The following APLF variants were observed in gnomAD, a reference collection of about 807,000 sequenced individuals.
The protein encoded by APLF is aprataxin and PNK-like factor.
Under a neutral mutation model 55.6 loss-of-function variants are expected in APLF, and 61 were observed. The ratio of observed to expected loss-of-function variants is 1.10; its 90% CI spans 0.89 to 1.36. The LOEUF (loss-of-function observed/expected upper bound fraction) is 1.36. APLF is among the 40% of genes most tolerant of loss of function. APLF has a pLI of 0.00. For missense variants in APLF, 611 were observed against 602.5 expected (o/e 1.01, Z -0.15); for synonymous variants, 207 against 214.8 (o/e 0.96, Z 0.32).
At chr2:68,568,554 A>C (rs1159107279) in intron 9 of APLF, among the ~76,000 whole-genome samples, 1 of 152,160 alleles carries the variant, frequency 6.6e-6, no homozygotes, top group African/African-American at 2.4e-5. Flanking sequence ...AGTTTAATAA[A>C]GTCTTCCTTT....
intron 8 of APLF, among the ~76,000 whole-genome samples, chr2:68,555,330 A>C (rs1178854633): frequency 6.6e-6 from 1 of 152,348 alleles, no homozygotes; most frequent in East Asian, 1.9e-4. Context: ...TAAACTAAAG[A>C]GCTTTTACAC....
intron 1 of APLF, among the ~76,000 whole-genome samples, chr2:68,487,062 A>C (rs191814870): frequency 1.3e-4 from 20 of 152,224 alleles, no homozygotes; most frequent in Admixed American, 8.5e-4. Context: ...TGTGCTGTCT[A>C]CTAAATCCTA....
chr2:68,494,237 C>T (rs750729794), intron 2 of APLF, among the ~76,000 whole-genome samples: 29 of 133,026 alleles, frequency 2.2e-4, no homozygotes, highest in Non-Finnish European at 2.9e-4. Context: ...GAGATCGCAC[C>T]ACTGTAATCC....
In APLF at chr2:68,467,735, T is replaced by G; in HGVS notation, c.4T>G (p.Ser2Ala). Residue 2 changes from serine (S) to alanine (A), a missense_variant, in exon 1 of 10, where the codon TCC (serine) becomes GCC (alanine). Physicochemically the swap from Ser to Ala is moderately conservative, Grantham distance 99. Transcript: ENST00000303795. Reference sequence around the variant, plus strand: ...AGGGGCCTAATCCTTGCCCGCCATGTCCGGGGGCTTCGAGCTGCAGCCGCG... The same window carrying G: ...AGGGGCCTAATCCTTGCCCGCCATGGCCGGGGGCTTCGAGCTGCAGCCGCG... The part of the protein sequence containing the change: M[S>A]GGFELQPRDG... The G allele has an allele frequency of 8.1e-7, 1 of 1,234,940 alleles. No homozygotes were observed. The highest frequency in any genetic ancestry group is 1.0e-6 in the Non-Finnish European group (1 of 988,022). 76.5% of individuals were successfully genotyped at this position (1,234,940 alleles called of 1,614,324 possible).
intron 5 of APLF, among the ~76,000 whole-genome samples, chr2:68,514,050 G>A (rs564780143): frequency 2.0e-5 from 3 of 151,638 alleles, no homozygotes; most frequent in Admixed American, 6.6e-5. Flanking sequence ...CAAGTTTACT[G>A]ATTCTTTTTT....
At chr2:68,551,698 T>C (rs1670871257) in intron 8 of APLF, among the ~76,000 whole-genome samples, 1 of 151,186 alleles carries the variant, frequency 6.6e-6, no homozygotes, top group South Asian at 2.1e-4. Context: ...AAAAAACATA[T>C]TAATCTTAGT....
intron 1 of APLF, among the ~76,000 whole-genome samples, chr2:68,477,182 C>T (rs894222473): frequency 1.1e-4 from 16 of 152,158 alleles, no homozygotes; most frequent in Admixed American, 1.0e-3. Context: ...GCATAAAATT[C>T]ACTGTAATAC....
At chr2:68,471,899 C>G (rs1268250490) in intron 1 of APLF, among the ~76,000 whole-genome samples, 1 of 152,092 alleles carries the variant, frequency 6.6e-6, no homozygotes, top group Admixed American at 6.5e-5. Flanking sequence ...AGAGCATGTT[C>G]CCAAGATGGT....
chr2:68,552,995 A>T (rs778673382), intron 8 of APLF, among the ~76,000 whole-genome samples: 4 of 152,192 alleles, frequency 2.6e-5, no homozygotes, highest in Non-Finnish European at 5.9e-5. Context: ...TACTCTGCCT[A>T]CTGCTTTAAA....
intron 9 of APLF, among the ~76,000 whole-genome samples, chr2:68,568,775 TGAA>T (rs1187308695): frequency 6.6e-6 from 1 of 152,158 alleles, no homozygotes; most frequent in Non-Finnish European, 1.5e-5. Context: ...ATTTTTTGAA[TGAA>T]GAACATATTT....
chr2:68,578,922 A>C lies in APLF; in HGVS notation c.*900A>C, dbSNP rs1351428929. 1 of 985,200 alleles carries C rather than the reference A, an allele frequency of 1.0e-6. No individual in the cohort carries two copies. The highest frequency in any genetic ancestry group is 1.2e-6 in the Non-Finnish European group (1 of 829,860). The allele number at this position is 985,200 out of a possible 1,614,324, so 61.0% of individuals were successfully genotyped here. On this transcript the variant is annotated 3_prime_UTR_variant, in exon 10 of 10. Transcript: ENST00000303795. ...AAGAAACCACTTATTCTCCAGTTTT[A>C]CAAAGTATCTTTCTGTATTTCTGTT...
At chr2:68,487,056 C>G (rs1676198247) in intron 1 of APLF, among the ~76,000 whole-genome samples, 1 of 152,108 alleles carries the variant, frequency 6.6e-6, no homozygotes, top group South Asian at 2.1e-4. Flanking sequence ...TGTCAGTGTG[C>G]TGTCTACTAA....
At chr2:68,558,096 G>A (rs1008941044) in intron 8 of APLF, among the ~76,000 whole-genome samples, 6 of 151,974 alleles carry the variant, frequency 3.9e-5, no homozygotes, top group African/African-American at 7.2e-5. Flanking sequence ...ATAAGACTCC[G>A]CTGTAATTTT....
At chr2:68,528,463 C>G in intron 6 of APLF, 2 of 1,534,214 alleles carry the variant, frequency 1.3e-6, no homozygotes, top group Non-Finnish European at 1.7e-6. Flanking sequence ...GGGTTGGTTG[C>G]AGCTGCAGTG....
intron 8 of APLF, among the ~76,000 whole-genome samples, chr2:68,557,704 G>C (rs1166163223): frequency 6.6e-6 from 1 of 152,054 alleles, no homozygotes; most frequent in Non-Finnish European, 1.5e-5. Flanking sequence ...CTGAGGTCAG[G>C]AGTTCAAGAC....
At chr2:68,494,298 A>G (rs966620497) in intron 2 of APLF, among the ~76,000 whole-genome samples, 8 of 150,108 alleles carry the variant, frequency 5.3e-5, no homozygotes, top group East Asian at 1.9e-4. Context: ...AAAAAAAAAA[A>G]AAAAGAAAAG....
chr2:68,551,345 A>G lies in APLF; in HGVS notation c.1286+6033A>G, dbSNP rs114165935. Among the ~76,000 whole-genome samples, 1,187 of 151,982 alleles carry G rather than the reference A, an allele frequency of 7.8e-3. 15 individuals carry two copies. The highest frequency in any genetic ancestry group is 0.027 in the African/African-American group (1,133 of 41,482). ...TATATTTTTCTTTGTATTCCATCCT[A>G]TTTGGGGGTTCACTGAGCTTTTTTG... On this transcript the variant is annotated intron_variant, in intron 8 of 9. Transcript: ENST00000303795.
chr2:68,494,149 G>A (rs762331729), intron 2 of APLF, among the ~76,000 whole-genome samples: 19 of 151,208 alleles, frequency 1.3e-4, no homozygotes, highest in Non-Finnish European at 2.5e-4. Context: ...GGTGGTGGGT[G>A]TCTGTAATCT....
At chr2:68,518,407 TTA>T (rs1466011277) in intron 5 of APLF, among the ~76,000 whole-genome samples, 1 of 111,432 alleles carries the variant, frequency 9.0e-6, no homozygotes, top group Admixed American at 1.2e-4. Context: ...TAACAATATA[TTA>T]TATATTATAT....
Sources: allele counts gnomAD v4.1 joint callset (sites outside exome capture counted in the v4.1 genomes callset), GRCh38; gene constraint gnomAD v4.1.1; transcripts MANE v1.5; gene names NCBI Gene and HGNC (gene_info 2026-07-23, HGNC 2026-07-21).